PELI2: variants seen among roughly 807,000 people sequenced by gnomAD.
PELI2 encodes E3 ubiquitin-protein ligase pellino homolog 2.
In PELI2, 23 loss-of-function variants were observed where a neutral mutation model predicts 42.3. The observed-to-expected ratio is 0.54, with a 90% CI of 0.39 to 0.77. The LOEUF (loss-of-function observed/expected upper bound fraction) is 0.77. PELI2 is among the 30% of genes least tolerant of loss of function. The probability of loss-of-function intolerance (pLI) is 0.00; values close to 1 mark genes in which losing one functional copy is unlikely to be tolerated. For missense variants in PELI2, 463 were observed against 553.2 expected (o/e 0.84, Z 1.64); for synonymous variants, 245 against 212.2 (o/e 1.15, Z -1.34).
chr14:56,175,647 A>G (rs1279997723), intron 1 of PELI2, among the ~76,000 whole-genome samples: 1 of 152,196 alleles, frequency 6.6e-6, no homozygotes, highest in Non-Finnish European at 1.5e-5. Context: ...AGGCTGGCTT[A>G]TTATTTGCTT....
At chr14:56,286,748 TG>T (rs1889659103) in intron 3 of PELI2, among the ~76,000 whole-genome samples, 1 of 151,604 alleles carries the variant, frequency 6.6e-6, no homozygotes, top group Non-Finnish European at 1.5e-5. Flanking sequence ...TTGTTTTTTT[TG>T]TTGTTGTTGT....
chr14:56,261,079 G>C (rs1011438631), intron 2 of PELI2, among the ~76,000 whole-genome samples: 2 of 151,500 alleles, frequency 1.3e-5, no homozygotes, highest in African/African-American at 2.4e-5. Flanking sequence ...GGAGATAGCT[G>C]TCTACCCACC....
chr14:56,211,678 A>G (rs895299666), intron 2 of PELI2, among the ~76,000 whole-genome samples: 5 of 152,190 alleles, frequency 3.3e-5, no homozygotes, highest in African/African-American at 1.2e-4. Flanking sequence ...AGTTTTAGAG[A>G]AATTTCATTA....
chr14:56,275,774 G>T (rs191676443), intron 2 of PELI2, among the ~76,000 whole-genome samples: 31 of 152,246 alleles, frequency 2.0e-4, no homozygotes, highest in African/African-American at 7.0e-4. Context: ...GTGGCCCAGG[G>T]GTTGGGGACC....
intron 1 of PELI2, among the ~76,000 whole-genome samples, chr14:56,173,417 C>T (rs1349818218): frequency 6.6e-6 from 1 of 151,492 alleles, no homozygotes; most frequent in African/African-American, 2.4e-5. Flanking sequence ...CCAGGTGATT[C>T]TGATGTTCAC....
intron 2 of PELI2, among the ~76,000 whole-genome samples, chr14:56,229,734 G>A (rs1163624140): frequency 1.3e-5 from 2 of 152,168 alleles, no homozygotes; most frequent in Non-Finnish European, 2.9e-5. Flanking sequence ...GAACAAAGCT[G>A]GACAGTGAAT....
At chr14:56,250,549 C>T (rs1179733284) in intron 2 of PELI2, among the ~76,000 whole-genome samples, 2 of 152,128 alleles carry the variant, frequency 1.3e-5, no homozygotes, top group African/African-American at 2.4e-5. Flanking sequence ...CTCTGGCAAA[C>T]CACTGATGTA....
At chr14:56,242,094 G>A (rs1355207005) in intron 2 of PELI2, among the ~76,000 whole-genome samples, 1 of 152,184 alleles carries the variant, frequency 6.6e-6, no homozygotes, top group South Asian at 2.1e-4. Context: ...CTGTGTGCGA[G>A]GGGTCCAGGG....
Position 56,296,318 on chromosome 14 carries a change from A to C in PELI2, c.697-282A>C, listed in dbSNP as rs181216613. On this transcript the variant is annotated intron_variant, in intron 5 of 5. Transcript: ENST00000267460. Reference sequence around the variant, plus strand: ...AAAGAAAATCTTAGGAGATTTGTGAAGTTCATTAAAATAACCACTACAGTA... The same window carrying C: ...AAAGAAAATCTTAGGAGATTTGTGACGTTCATTAAAATAACCACTACAGTA... 1.9e-3 allele frequency among the ~76,000 whole-genome samples: 284 copies of C among 152,318 alleles called. 1 individual carries two copies. The highest frequency in any genetic ancestry group is 2.3e-3 in the Non-Finnish European group (155 of 68,024).
In PELI2 at chr14:56,288,328, G is replaced by T; in HGVS notation, c.310-109G>T. 2.5e-6 allele frequency: 2 copies of T among 796,446 alleles called. No homozygotes were observed. The highest frequency in any genetic ancestry group is 2.1e-6 in the Non-Finnish European group (1 of 479,306). The allele number at this position is 796,446 out of a possible 1,614,324, so 49.3% of individuals were successfully genotyped here. On this transcript the variant is annotated intron_variant, in intron 3 of 5. Transcript: ENST00000267460. This position sits in a 1 kb window ranked among gnomAD's most constrained non-coding sequence, Gnocchi z 4.6. ...ATCTTGCATTAAATTCTAACCCTCA[G>T]AACAAGGATAGTGAATGTTAAAGGA...
At chr14:56,155,675 G>C (rs10145037) in intron 1 of PELI2, among the ~76,000 whole-genome samples, 1 of 151,250 alleles carries the variant, frequency 6.6e-6, no homozygotes, top group African/African-American at 2.4e-5. Flanking sequence ...TCCGCCTCCC[G>C]GGTTCGCCCC....
chr14:56,137,656 G>A (rs946570728), intron 1 of PELI2, among the ~76,000 whole-genome samples: 4 of 152,168 alleles, frequency 2.6e-5, no homozygotes, highest in Admixed American at 6.5e-5. Flanking sequence ...ACTCACATTC[G>A]TGTGTGGAGC....
chr14:56,187,922 C>T (rs752399265), intron 2 of PELI2, among the ~76,000 whole-genome samples: 2 of 152,326 alleles, frequency 1.3e-5, no homozygotes, highest in Non-Finnish European at 2.9e-5. Context: ...CTCTGTGCTC[C>T]GCAGGTGGCC....
chr14:56,233,513 C>T (rs1887665083), intron 2 of PELI2, among the ~76,000 whole-genome samples: 2 of 152,116 alleles, frequency 1.3e-5, no homozygotes, highest in African/African-American at 4.8e-5. Flanking sequence ...GAAGGAATTC[C>T]CTGTTTAATA....
intron 2 of PELI2, among the ~76,000 whole-genome samples, chr14:56,240,212 G>A (rs1186458262): frequency 6.6e-6 from 1 of 152,190 alleles, no homozygotes; most frequent in Non-Finnish European, 1.5e-5. Flanking sequence ...CTCGGGTGCA[G>A]TGTGGAGGGG....
intron 1 of PELI2, among the ~76,000 whole-genome samples, chr14:56,121,010 T>C (rs1883039620): frequency 6.6e-6 from 1 of 152,218 alleles, no homozygotes; most frequent in Admixed American, 6.5e-5. Context: ...GAGAACCTTA[T>C]TCATATTCCA....
chr14:56,216,656 A>G (rs924817523), intron 2 of PELI2, among the ~76,000 whole-genome samples: 12 of 152,270 alleles, frequency 7.9e-5, no homozygotes, highest in East Asian at 1.9e-4. Flanking sequence ...ACTGATGGCA[A>G]TGGCATTCAT....
At chr14:56,192,082 T>C (rs1393201805) in intron 2 of PELI2, among the ~76,000 whole-genome samples, 2 of 152,254 alleles carry the variant, frequency 1.3e-5, no homozygotes, top group Non-Finnish European at 2.9e-5. Flanking sequence ...CTTGAACTGC[T>C]GACCTCAAGT....
At chr14:56,274,544 G>T (rs1889222980) in intron 2 of PELI2, among the ~76,000 whole-genome samples, 1 of 152,058 alleles carries the variant, frequency 6.6e-6, no homozygotes, top group African/African-American at 2.4e-5. Context: ...TTTTATATAA[G>T]TGCCTTTACG....
Sources: gnomAD v4.1 joint callset for allele counts (sites outside exome capture counted in the v4.1 genomes callset) on GRCh38, gnomAD v4.1.1 for gene constraint, Gnocchi (gnomAD v3.1) non-coding constraint, MANE v1.5 for transcripts, NCBI Gene and HGNC (gene_info 2026-07-23, HGNC 2026-07-21) for gene names.